The following STAT2 variants were observed in gnomAD, a reference collection of about 807,000 sequenced individuals.
STAT2 encodes the protein signal transducer and activator of transcription 2, also known as interferon alpha induced transcriptional activator.
STAT2 carries 51 observed loss-of-function variants against 122.3 expected under a neutral mutation model. The ratio of observed to expected loss-of-function variants is 0.42; its 90% CI spans 0.33 to 0.53. STAT2 has a LOEUF of 0.53. STAT2 is among the 20% of genes least tolerant of loss of function. The pLI is 0.10. For synonymous variants in STAT2, 351 were observed against 394.9 expected, an observed-to-expected ratio of 0.89 and a Z score of 1.32; for missense variants, 736 against 1,010.3, an observed-to-expected ratio of 0.73 and a Z score of 3.68.
chr12:56,352,430 C>T (rs1393344901), intron 8 of STAT2: 1 of 144,234 alleles, frequency 6.9e-6, no homozygotes, highest in Non-Finnish European at 1.5e-5. Flanking sequence ...CTAGACAAAT[C>T]CTAAAAGAGC....
intron 19 of STAT2, among the ~76,000 whole-genome samples, chr12:56,348,281 G>T (rs1045680964): frequency 6.6e-6 from 1 of 151,736 alleles, no homozygotes; most frequent in African/African-American, 2.4e-5. Flanking sequence ...TAGAGACGGG[G>T]TTTCACCGTG....
intron 19 of STAT2, among the ~76,000 whole-genome samples, chr12:56,347,817 A>G (rs983718119): frequency 1.3e-5 from 2 of 152,136 alleles, no homozygotes; most frequent in African/African-American, 2.4e-5. Flanking sequence ...TAGCACTTTT[A>G]AAAGCCAAAT....
At position 56,343,479 on chromosome 12, in the gene STAT2, C is replaced by G; in HGVS notation, c.2466G>C (p.Leu822=). Residue 822 remains leucine, a synonymous_variant, in exon 24 of 24, where the codon CTG becomes CTC. Coordinates refer to ENST00000314128, the MANE Select transcript of STAT2 (RefSeq NM_005419.4). ...CATCCACGGTGTTCTGGCCAGCCAACAGTGGGTCACCATTCGGCATGATTT... is the reference window on the plus strand; with the variant it reads ...CATCCACGGTGTTCTGGCCAGCCAAGAGTGGGTCACCATTCGGCATGATTT... ...IEEIMPNGDP[L]LAGQNTVDEV... 1 of 1,614,172 alleles carries G rather than the reference C, an allele frequency of 6.2e-7. No homozygotes were observed. Among genetic ancestry groups the G allele is most frequent in the Non-Finnish European group, 8.5e-7 (1 of 1,180,010 alleles).
intron 8 of STAT2, among the ~76,000 whole-genome samples, chr12:56,354,157 C>T (rs1315559294): frequency 1.4e-5 from 2 of 146,956 alleles, no homozygotes; most frequent in African/African-American, 5.0e-5. Flanking sequence ...CTCCTTCCTT[C>T]CTTCCTTTCT....
intron 22 of STAT2, 58 bp from the exon 23 acceptor site, chr12:56,344,193 A>G: frequency 6.6e-7 from 1 of 1,507,426 alleles, no homozygotes; most frequent in South Asian, 1.3e-5. Flanking sequence ...GAAATCAGGA[A>G]TGGTAGAATA....
At chr12:56,346,288 A>G in intron 21 of STAT2, 85 bp from the exon 22 acceptor site, 3 of 1,576,438 alleles carry the variant, frequency 1.9e-6, no homozygotes, top group Non-Finnish European at 2.6e-6. Flanking sequence ...TGGTCCTGGC[A>G]GTCTCATCCC....
At position 56,356,515 on chromosome 12, in the gene STAT2, G is replaced by A; in HGVS notation, c.57C>T (p.His19=). 1 of 1,614,214 alleles carries A rather than the reference G, an allele frequency of 6.2e-7. No individual in the cohort carries two copies. ...GCAGGAGGCTGTGCGAGTAAAGCTG[G>A]TGCAGCTGATCCTGAAAGGGGCTGT... is the stretch of plus-strand genomic sequence containing the variant. ...NLDSPFQDQL[H]QLYSHSLLPV... is the part of the protein sequence containing the mutation. The change falls in exon 2 of 24, where the codon CAC becomes CAT. Residue 19 remains histidine (H), a synonymous_variant. Coordinates refer to ENST00000314128, the MANE Select transcript of STAT2 (RefSeq NM_005419.4).
At chr12:56,355,148 G>T in intron 6 of STAT2, 128 bp downstream of exon 6, 3 of 1,111,120 alleles carry the variant, frequency 2.7e-6, no homozygotes, top group Non-Finnish European at 2.6e-6. Flanking sequence ...TTGCACGGCA[G>T]CAGGACTGTA....
At chr12:56,353,995 C>CA (rs1187550270) in intron 8 of STAT2, among the ~76,000 whole-genome samples, 4 of 12,774 alleles carry the variant, frequency 3.1e-4, no homozygotes, top group African/African-American at 3.3e-4. Context: ...GACTCCGTCT[C>CA]AAAAAAAAAA....
At position 56,343,348 on chromosome 12, in the gene STAT2, G is replaced by A. The variant is rs956623637; in HGVS notation, c.*41C>T. ...AACAATATCATGCTATGAGGAGTAG[G>A]AAGGGCAAGAGATATGAAAAGAACA... On this transcript the variant is annotated 3_prime_UTR_variant, in exon 24 of 24. Coordinates refer to ENST00000314128, the MANE Select transcript of STAT2 (RefSeq NM_005419.4). The A allele has an allele frequency of 1.6e-5, 26 of 1,595,496 alleles. No individual in the cohort carries two copies. The highest frequency in any genetic ancestry group is 2.2e-5 in the Non-Finnish European group (26 of 1,167,886).
chr12:56,358,339 G>A (rs566550848), intron 1 of STAT2, among the ~76,000 whole-genome samples: 39 of 150,380 alleles, frequency 2.6e-4, no homozygotes, highest in Middle Eastern at 3.5e-3. Context: ...TCTGCCTCCC[G>A]AGTTGAAGGG....
In STAT2 at chr12:56,346,883, T is replaced by C. The variant is rs774163415; in HGVS notation, c.1797A>G (p.Leu599=). 62 of 1,614,016 alleles carry C rather than the reference T, an allele frequency of 3.8e-5. No individual in the cohort carries two copies. Among genetic ancestry groups the C allele is most frequent in the Non-Finnish European group, 5.1e-5 (60 of 1,180,016 alleles). Residue 599 remains leucine (L), a synonymous_variant, in exon 20 of 24, where the codon CTA becomes CTG. Transcript: ENST00000314128. ...LLKKTMSGTF[L]LRFSESSEGG... is the part of the protein sequence containing the mutation. ...CTTCTGACGATTCACTGAAGCGCAG[T>C]AGAAAGGTGCCAGACATGGTCTTCT...
At chr12:56,351,044 TAC>T in intron 10 of STAT2, 52 bp downstream of exon 10, 1 of 1,596,952 alleles carries the variant, frequency 6.3e-7, no homozygotes, top group Non-Finnish European at 8.6e-7. Context: ...AGCCAGAAAA[TAC>T]ACAGTGGCAG....
chr12:56,349,054 C>G lies in STAT2; in HGVS notation c.1446G>C (p.Gln482His). Residue 482 changes from glutamine (Q) to histidine (H), a missense_variant, in exon 17 of 24, where the codon CAG becomes CAC. Gln to His is a conservative substitution (Grantham distance 24). Coordinates refer to ENST00000314128, the MANE Select transcript of STAT2 (RefSeq NM_005419.4). ...FNLLSPNLQNQQFFSNPPKAP... is the reference protein window; with the variant it reads ...FNLLSPNLQNHQFFSNPPKAP... The stretch of plus-strand genomic sequence containing the variant: ...CCTTGGGGGGGTTGGAGAAGAACTG[C>G]TGGTTCTGCAGGGGTGGGAGCAGTG... 1 of 1,613,130 alleles carries G rather than the reference C, an allele frequency of 6.2e-7. No homozygotes were observed. Among genetic ancestry groups the G allele is most frequent in the South Asian group, 1.1e-5 (1 of 90,986 alleles).
intron 1 of STAT2, among the ~76,000 whole-genome samples, chr12:56,357,710 C>CT (rs940388949): frequency 0.054 from 7,056 of 130,110 alleles, 229 homozygotes; most frequent in Non-Finnish European, 0.072. Flanking sequence ...AATTTTCTTT[C>CT]TTTTTTTTTT....
At chr12:56,349,354 C>T (rs1330681572) in intron 15 of STAT2, 72 bp downstream of exon 15, 1 of 1,614,092 alleles carries the variant, frequency 6.2e-7, no homozygotes. Flanking sequence ...CCCCAAGAGG[C>T]TTCTGTTTAT....
chr12:56,357,053 T>A (rs1879624545), intron 1 of STAT2, among the ~76,000 whole-genome samples: 1 of 133,406 alleles, frequency 7.5e-6, no homozygotes, highest in Non-Finnish European at 1.5e-5. Flanking sequence ...TTTTTTTTTT[T>A]TAAGATGGAC....
In STAT2 at chr12:56,355,280, G is replaced by A. The variant is rs1879330292; in HGVS notation, c.543C>T (p.Ala181=). Residue 181 remains alanine (A), a synonymous_variant, in exon 6 of 24, where the codon GCC becomes GCT. Coordinates refer to ENST00000314128, the MANE Select transcript of STAT2 (RefSeq NM_005419.4). ...DVFCFRYKIQ[A]KGKTPSLDPH... is the part of the protein sequence containing the mutation. ...GCCCCTCAATGTGCTTCCTACCTTT[G>A]GCCTGGATCTTATATCGGAAGCAGA... is the stretch of plus-strand genomic sequence containing the variant. 1 of 1,613,976 alleles carries A rather than the reference G, an allele frequency of 6.2e-7. No homozygotes were observed. Among genetic ancestry groups the A allele is most frequent in the Non-Finnish European group, 8.5e-7 (1 of 1,180,024 alleles).
chr12:56,358,654 G>A (rs1463768665), intron 1 of STAT2, among the ~76,000 whole-genome samples: 1 of 152,166 alleles, frequency 6.6e-6, no homozygotes, highest in African/African-American at 2.4e-5. Flanking sequence ...ACATCTAAAT[G>A]CTGTGCAATG....
Sources: allele counts gnomAD v4.1 joint callset (sites outside exome capture counted in the v4.1 genomes callset), GRCh38; gene constraint gnomAD v4.1.1; transcripts MANE v1.5; gene names NCBI Gene and HGNC (gene_info 2026-07-23, HGNC 2026-07-21).